RPS6KC1: variants seen among roughly 807,000 people sequenced by gnomAD.
RPS6KC1 encodes the protein inactive ribosomal protein S6 kinase delta-1.
RPS6KC1 carries 54 observed loss-of-function variants against 103.8 expected under a neutral mutation model. The observed-to-expected ratio is 0.52, with a 90% confidence interval of 0.42 to 0.65. The LOEUF (loss-of-function observed/expected upper bound fraction) is 0.65. Among genes scored for constraint, RPS6KC1 ranks in the 30% least tolerant of loss-of-function variants. RPS6KC1 has a pLI of 0.00. For synonymous variants in RPS6KC1, 439 were observed against 438.7 expected (o/e 1.00, Z -0.01); for missense variants, 1,151 against 1,253.8 (o/e 0.92, Z 1.24).
At chr1:213,091,350 G>A (rs552705474) in intron 3 of RPS6KC1, among the ~76,000 whole-genome samples, 2 of 151,918 alleles carry the variant, frequency 1.3e-5, no homozygotes, top group South Asian at 2.1e-4. Flanking sequence ...GTGAGCCACC[G>A]CGCCCGGCCT....
the RPS6KC1 span, among the ~76,000 whole-genome samples, chr1:213,469,618 C>T: frequency 7.2e-5 from 11 of 152,246 alleles, no homozygotes; most frequent in East Asian, 2.1e-3. Flanking sequence ...TCCTCGCTAG[C>T]CTTTCCCAAG....
chr1:213,573,275 A>T, the RPS6KC1 span, among the ~76,000 whole-genome samples: 2 of 152,216 alleles, frequency 1.3e-5, no homozygotes, highest in Non-Finnish European at 2.9e-5. Context: ...CAGGGCTTAT[A>T]GACACCTGGG....
At chr1:213,073,771 G>A (rs11120084) in intron 2 of RPS6KC1, among the ~76,000 whole-genome samples, 68,365 of 151,962 alleles carry the variant, frequency 0.45, 19,143 homozygotes, top group Non-Finnish European at 0.62. Context: ...GGCCTCCCGG[G>A]CTCAAGTGAT....
At chr1:213,152,260 C>T (rs1419503210) in intron 6 of RPS6KC1, among the ~76,000 whole-genome samples, 4 of 141,316 alleles carry the variant, frequency 2.8e-5, no homozygotes, top group Non-Finnish European at 6.1e-5. Flanking sequence ...CCGGACGGGG[C>T]GGCTGGCCTG....
chr1:213,515,109 A>G, the RPS6KC1 span, among the ~76,000 whole-genome samples: 1 of 151,992 alleles, frequency 6.6e-6, no homozygotes, highest in Non-Finnish European at 1.5e-5. Flanking sequence ...GTTTGAGTTC[A>G]TTGTAGATTC....
chr1:213,660,730 C>T, the RPS6KC1 span, among the ~76,000 whole-genome samples: 1 of 147,724 alleles, frequency 6.8e-6, no homozygotes, highest in East Asian at 2.2e-4. Flanking sequence ...CTATTGCACA[C>T]CAATCTTACA....
At chr1:213,143,184 A>G (rs547027091) in intron 6 of RPS6KC1, among the ~76,000 whole-genome samples, 15 of 152,118 alleles carry the variant, frequency 9.9e-5, no homozygotes, top group South Asian at 8.3e-4. Context: ...TAGATATTCA[A>G]CTGTTTTGTA....
the RPS6KC1 span, among the ~76,000 whole-genome samples, chr1:213,477,127 T>C: frequency 2.0e-5 from 3 of 152,224 alleles, no homozygotes; most frequent in African/African-American, 7.2e-5. Context: ...AAACCCTCTG[T>C]GGCTGCCTCA....
At chr1:213,386,011 G>A in the RPS6KC1 span, among the ~76,000 whole-genome samples, 2 of 152,228 alleles carry the variant, frequency 1.3e-5, no homozygotes, top group African/African-American at 4.8e-5. Context: ...TCATGTTGAA[G>A]TTTGATCCTC....
the RPS6KC1 span, among the ~76,000 whole-genome samples, chr1:213,685,713 T>A: frequency 3.3e-5 from 5 of 152,200 alleles, no homozygotes; most frequent in Admixed American, 6.5e-5. Flanking sequence ...GTAGCATATA[T>A]GAAAGTCCTT....
At chr1:213,808,483 G>T in the RPS6KC1 span, among the ~76,000 whole-genome samples, 1 of 152,240 alleles carries the variant, frequency 6.6e-6, no homozygotes, top group Non-Finnish European at 1.5e-5. Flanking sequence ...CCTGGGCAAT[G>T]GTGGGTGCCC....
intron 4 of RPS6KC1, among the ~76,000 whole-genome samples, chr1:213,113,132 T>C (rs1024431320): frequency 8.5e-5 from 13 of 152,154 alleles, no homozygotes; most frequent in East Asian, 3.9e-4. Context: ...CCTGAGGAAT[T>C]GCCACACTGA....
chr1:213,401,305 A>G, the RPS6KC1 span, among the ~76,000 whole-genome samples: 1 of 152,170 alleles, frequency 6.6e-6, no homozygotes, highest in East Asian at 1.9e-4. Flanking sequence ...AGGCTGAGAT[A>G]GAGAGGGGCT....
At chr1:213,294,477 T>A in the RPS6KC1 span, among the ~76,000 whole-genome samples, 1 of 152,184 alleles carries the variant, frequency 6.6e-6, no homozygotes, top group African/African-American at 2.4e-5. Flanking sequence ...TTGGATGTGC[T>A]GGTGATTTTT....
chr1:213,760,415 C>A, the RPS6KC1 span, among the ~76,000 whole-genome samples: 1 of 152,158 alleles, frequency 6.6e-6, no homozygotes, highest in Admixed American at 6.5e-5. Flanking sequence ...GACATCCTCC[C>A]CCAGGTCAGC....
At chr1:213,690,728 C>A in the RPS6KC1 span, among the ~76,000 whole-genome samples, 3 of 152,178 alleles carry the variant, frequency 2.0e-5, no homozygotes, top group Non-Finnish European at 4.4e-5. Flanking sequence ...CCTCAGTTTT[C>A]TCAGCTGGGA....
At chr1:213,283,378 T>G in the RPS6KC1 span, among the ~76,000 whole-genome samples, 1 of 152,124 alleles carries the variant, frequency 6.6e-6, no homozygotes, top group Non-Finnish European at 1.5e-5. Context: ...GTAGACAACA[T>G]TTGCAACAAA....
the RPS6KC1 span, among the ~76,000 whole-genome samples, chr1:213,462,686 T>G: frequency 2.0e-5 from 3 of 152,142 alleles, no homozygotes; most frequent in South Asian, 6.2e-4. Flanking sequence ...CACTCATAAG[T>G]GGGAGTTGAA....
At chr1:213,835,001 C>T in the RPS6KC1 span, among the ~76,000 whole-genome samples, 2 of 152,136 alleles carry the variant, frequency 1.3e-5, no homozygotes, top group South Asian at 2.1e-4. Flanking sequence ...AAACACCAGA[C>T]ACTATAAAGC....
Sources: gnomAD v4.1 joint callset for allele counts (sites outside exome capture counted in the v4.1 genomes callset) on GRCh38, gnomAD v4.1.1 for gene constraint, MANE v1.5 for transcripts, NCBI Gene and HGNC (gene_info 2026-07-23, HGNC 2026-07-21) for gene names.